SGCZ: variants seen among roughly 807,000 people sequenced by gnomAD.
The protein encoded by SGCZ is sarcoglycan zeta.
Under a neutral mutation model 41.3 loss-of-function variants are expected in SGCZ, and 40 were observed. The ratio of observed to expected loss-of-function variants is 0.97; its 90% CI spans 0.75 to 1.26. The LOEUF (loss-of-function observed/expected upper bound fraction) is 1.26. SGCZ is among the 50% of genes most tolerant of loss of function. SGCZ has a pLI of 0.00. For synonymous variants in SGCZ, 206 were observed against 137.5 expected, an observed-to-expected ratio of 1.50 and a Z score of -3.49; for missense variants, 552 against 369.8, an observed-to-expected ratio of 1.49 and a Z score of -4.04.
intron 1 of SGCZ, among the ~76,000 whole-genome samples, chr8:14,983,707 C>T (rs181735538): frequency 6.6e-6 from 1 of 152,110 alleles, no homozygotes; most frequent in African/African-American, 2.4e-5. Context: ...ACCATTTTTA[C>T]AGATGATGAA....
chr8:14,370,783 A>G (rs973756285), intron 2 of SGCZ, among the ~76,000 whole-genome samples: 12 of 151,964 alleles, frequency 7.9e-5, no homozygotes, highest in African/African-American at 2.7e-4. Flanking sequence ...CTGAATAAGT[A>G]TACATAAAAT....
intron 2 of SGCZ, among the ~76,000 whole-genome samples, chr8:14,403,284 C>G (rs1019617752): frequency 8.7e-5 from 13 of 150,156 alleles, no homozygotes; most frequent in Non-Finnish European, 1.0e-4. Flanking sequence ...CCTTTATTTC[C>G]TTCTCCTGCC....
intron 1 of SGCZ, among the ~76,000 whole-genome samples, chr8:15,050,014 T>C (rs1012282559): frequency 1.3e-5 from 2 of 152,152 alleles, no homozygotes; most frequent in Non-Finnish European, 1.5e-5. Flanking sequence ...TTATTAGCAA[T>C]GTGAGAACAA....
chr8:14,471,248 T>C (rs886529933), intron 2 of SGCZ, among the ~76,000 whole-genome samples: 3 of 152,164 alleles, frequency 2.0e-5, no homozygotes, highest in Admixed American at 6.6e-5. Context: ...TAGAATGTTA[T>C]TGTTTGACTC....
intron 1 of SGCZ, among the ~76,000 whole-genome samples, chr8:14,681,790 T>A (rs1563199666): frequency 6.6e-6 from 1 of 152,172 alleles, no homozygotes; most frequent in Non-Finnish European, 1.5e-5. Context: ...TGCATGTTTT[T>A]TAATGTTCTC....
At chr8:15,211,489 T>G in intron 1 of SGCZ, among the ~76,000 whole-genome samples, 1 of 152,250 alleles carries the variant, frequency 6.6e-6, no homozygotes, top group African/African-American at 2.4e-5. Flanking sequence ...CATCCCTTCA[T>G]TCTGTGCTAA....
chr8:14,108,349 A>G, intron 5 of SGCZ, 114 bp from the exon 6 acceptor site: 1 of 858,216 alleles, frequency 1.2e-6, no homozygotes, highest in South Asian at 1.5e-5. Flanking sequence ...AAACAGGTAC[A>G]TATGATGTAT....
intron 2 of SGCZ, among the ~76,000 whole-genome samples, chr8:14,391,996 A>G (rs920388573): frequency 3.9e-5 from 6 of 152,122 alleles, no homozygotes; most frequent in African/African-American, 1.2e-4. Flanking sequence ...AACAAGCCCC[A>G]TCTCCAGCAA....
intron 3 of SGCZ, among the ~76,000 whole-genome samples, chr8:14,315,464 GGT>G (rs1426925911): frequency 2.0e-5 from 3 of 151,990 alleles, no homozygotes; most frequent in East Asian, 3.9e-4. Context: ...GCAAATGGAA[GGT>G]GTGTGTGATG....
At chr8:14,335,517 A>ACCT (rs1412604048) in intron 2 of SGCZ, among the ~76,000 whole-genome samples, 1 of 152,072 alleles carries the variant, frequency 6.6e-6, no homozygotes, top group African/African-American at 2.4e-5. Flanking sequence ...TATCCGTTAT[A>ACCT]CCTTATTATA....
chr8:14,286,503 A>C (rs982029789), intron 3 of SGCZ, among the ~76,000 whole-genome samples: 1 of 152,140 alleles, frequency 6.6e-6, no homozygotes, highest in African/African-American at 2.4e-5. Flanking sequence ...CGTGTTGAAG[A>C]GTGTTCTGAG....
rs956660665 is a variant in SGCZ, at chr8:14,317,781, G to T, written c.336+6322C>A. ...TGCCATAAAAGTCATGGCAAAAACT[G>T]CAATTGCTTTTGCACCAACCTAACA... is the stretch of plus-strand genomic sequence containing the variant. On this transcript the variant is annotated intron_variant, in intron 3 of 7. Coordinates refer to ENST00000382080, the MANE Select transcript of SGCZ (RefSeq NM_139167.4). Among the ~76,000 whole-genome samples the T allele has an allele frequency of 4.0e-5, 6 of 151,806 alleles. 1 individual carries two copies. In the South Asian group the frequency reaches 1.2e-3, roughly 32 times the overall value.
At chr8:15,033,525 A>G (rs1803762228) in intron 1 of SGCZ, among the ~76,000 whole-genome samples, 1 of 152,126 alleles carries the variant, frequency 6.6e-6, no homozygotes, top group Non-Finnish European at 1.5e-5. Context: ...CTCAGGCTCC[A>G]GGAGCACCAC....
intron 1 of SGCZ, among the ~76,000 whole-genome samples, chr8:14,912,575 C>T (rs1423885047): frequency 6.6e-6 from 1 of 151,964 alleles, no homozygotes. Context: ...TCCAAGTTGT[C>T]ATGGTTACTT....
At chr8:14,105,468 T>C (rs1264433565) in intron 6 of SGCZ, among the ~76,000 whole-genome samples, 2 of 152,146 alleles carry the variant, frequency 1.3e-5, no homozygotes, top group East Asian at 3.8e-4. Context: ...TGATTAGAAG[T>C]AGGCATCAAC....
intron 2 of SGCZ, among the ~76,000 whole-genome samples, chr8:14,476,882 A>G (rs1801376927): frequency 6.6e-6 from 1 of 152,182 alleles, no homozygotes; most frequent in South Asian, 2.1e-4. Flanking sequence ...TTTCAGAAAG[A>G]GACAGACATT....
At chr8:15,160,083 T>C (rs1219123922) in intron 1 of SGCZ, among the ~76,000 whole-genome samples, 1 of 152,100 alleles carries the variant, frequency 6.6e-6, no homozygotes, top group Non-Finnish European at 1.5e-5. Context: ...TACAGTTCAG[T>C]AGTGTTACAT....
chr8:14,192,781 G>C (rs556797154), intron 4 of SGCZ, among the ~76,000 whole-genome samples: 14 of 151,764 alleles, frequency 9.2e-5, no homozygotes, highest in Non-Finnish European at 1.9e-4. Context: ...TCATGGCCAC[G>C]TTTACATTTA....
chr8:14,292,153 T>G (rs12115157), intron 3 of SGCZ, among the ~76,000 whole-genome samples: 6 of 152,020 alleles, frequency 3.9e-5, no homozygotes, highest in Non-Finnish European at 8.8e-5. Context: ...AAAAACTTAT[T>G]AAGTACGAAC....
Sources: gnomAD v4.1 joint callset for allele counts (sites outside exome capture counted in the v4.1 genomes callset) on GRCh38, gnomAD v4.1.1 for gene constraint, MANE v1.5 for transcripts, NCBI Gene and HGNC (gene_info 2026-07-23, HGNC 2026-07-21) for gene names.